KSR2: variants seen among roughly 807,000 people sequenced by gnomAD.
The protein encoded by KSR2 is kinase suppressor of ras 2.
Under a neutral mutation model 107.8 loss-of-function variants are expected in KSR2, and 25 were observed. The ratio of observed to expected loss-of-function variants is 0.23; its 90% CI spans 0.17 to 0.32. The LOEUF (loss-of-function observed/expected upper bound fraction) is 0.32. Ranked by LOEUF, KSR2 falls within the 10% of genes least tolerant of loss-of-function variation. The probability of loss-of-function intolerance (pLI) is 1.00; values close to 1 mark genes in which losing one functional copy is unlikely to be tolerated. For synonymous variants in KSR2, 480 were observed against 507.0 expected, an observed-to-expected ratio of 0.95 and a Z score of 0.71; for missense variants, 887 against 1,268.9, an observed-to-expected ratio of 0.70 and a Z score of 4.57.
chr12:117,590,211 T>G lies in KSR2; in HGVS notation c.1172-7852A>C, dbSNP rs562840038. Among the ~76,000 whole-genome samples, 7 of 152,376 alleles carry G rather than the reference T, an allele frequency of 4.6e-5. No individual in the cohort carries two copies. The East Asian group carries it at 1.2e-3, about 25-fold the overall frequency. ...CAAGTATTAGGGTCAATGCAATTCA[T>G]GCATGTGTGGAGTTTAAGTTAGAGA... is the stretch of plus-strand genomic sequence containing the variant. On this transcript the variant is annotated intron_variant, in intron 5 of 19. Transcript: ENST00000339824.
At chr12:117,885,817 C>A (rs191086915) in intron 1 of KSR2, among the ~76,000 whole-genome samples, 1 of 151,976 alleles carries the variant, frequency 6.6e-6, no homozygotes, top group East Asian at 1.9e-4. Context: ...CAAACCTGGC[C>A]GGGCGCGGTG....
At chr12:117,809,531 TAGA>T (rs1891125180) in intron 3 of KSR2, among the ~76,000 whole-genome samples, 1 of 152,214 alleles carries the variant, frequency 6.6e-6, no homozygotes, top group Non-Finnish European at 1.5e-5. Flanking sequence ...GTCAGCTTCT[TAGA>T]AAGTATTTTC....
chr12:117,799,302 G>T (rs1051457547), intron 3 of KSR2, among the ~76,000 whole-genome samples: 2 of 152,166 alleles, frequency 1.3e-5, no homozygotes, highest in Non-Finnish European at 2.9e-5. Flanking sequence ...AGGAGTTCAA[G>T]ATCAGCCCGG....
At chr12:117,939,804 G>T (rs769688439) in intron 1 of KSR2, among the ~76,000 whole-genome samples, 7 of 151,720 alleles carry the variant, frequency 4.6e-5, no homozygotes, top group Admixed American at 2.0e-4. Context: ...ACCTGGGCAT[G>T]GTTGCGGGCG....
rs182855255 is a variant in KSR2, at chr12:117,784,692, T to C, written c.473-23168A>G. On this transcript the variant is annotated intron_variant, in intron 3 of 19. Transcript: ENST00000339824. ...CCAATGAGAAGGCCAGTCATTCAGA[T>C]CTGTGCAACAAGACAAGAGGCTAAA... 2.1e-3 allele frequency among the ~76,000 whole-genome samples: 315 copies of C among 152,238 alleles called. 2 individuals are homozygous for C. The highest frequency in any genetic ancestry group is 7.4e-3 in the African/African-American group (308 of 41,554).
At chr12:117,674,318 C>G (rs747729118) in intron 4 of KSR2, 3 of 506,300 alleles carry the variant, frequency 5.9e-6, no homozygotes, top group African/African-American at 5.8e-5. Flanking sequence ...GAATCGCAGA[C>G]TCACTTGCAT....
intron 3 of KSR2, among the ~76,000 whole-genome samples, chr12:117,788,228 G>A (rs1410701629): frequency 6.6e-6 from 1 of 152,130 alleles, no homozygotes; most frequent in East Asian, 1.9e-4. Flanking sequence ...CAAAAGAAAT[G>A]AATGACTTCA....
In KSR2 at chr12:117,968,057, TCC is replaced by T; in HGVS notation, c.180+17_180+18del. 1 of 722,678 alleles carries T rather than the reference TCC, an allele frequency of 1.4e-6. No individual in the cohort carries two copies. Among genetic ancestry groups the T allele is most frequent in the Non-Finnish European group, 2.1e-6 (1 of 472,708 alleles). 44.8% of individuals were successfully genotyped at this position (722,678 alleles called of 1,614,324 possible). ...TTTTTTTTTTTTTTTTTTTTTTTTTTCCCGTAGGCAACACCTACCTCCAGGGT... is the reference window on the plus strand; with the variant it reads ...TTTTTTTTTTTTTTTTTTTTTTTTTTCGTAGGCAACACCTACCTCCAGGGT... On this transcript the variant is annotated intron_variant, in intron 1 of 19. Transcript: ENST00000339824.
intron 14 of KSR2, among the ~76,000 whole-genome samples, chr12:117,524,508 A>T (rs893595518): frequency 6.6e-6 from 1 of 152,056 alleles, no homozygotes; most frequent in African/African-American, 2.4e-5. Context: ...TCTACCAAAA[A>T]ATTAAAAAAT....
Position 117,694,845 on chromosome 12 carries a change from C to CTACTTCT in KSR2, c.987-27188_987-27187insAGAAGTA, listed in dbSNP as rs1555228656. ...ACAAAAGGACAAATGTTGTATGATTCTTTTTTTTTTTTTTTTTTTTTTGAG... is the reference window on the plus strand; with the variant it reads ...ACAAAAGGACAAATGTTGTATGATTCTACTTCTTTTTTTTTTTTTTTTTTTTTTTGAG... On this transcript the variant is annotated intron_variant, in intron 4 of 19. Coordinates refer to ENST00000339824, the MANE Select transcript of KSR2 (RefSeq NM_173598.6). 6.2e-3 allele frequency among the ~76,000 whole-genome samples: 610 copies of CTACTTCT among 99,100 alleles called. 8 individuals are homozygous for CTACTTCT. The highest frequency in any genetic ancestry group is 0.022 in the African/African-American group (584 of 26,368). 65.0% of individuals were successfully genotyped at this position (99,100 alleles called of 152,430 possible). A position where few individuals can be genotyped will look rare whatever the true frequency, so the allele number is the denominator to read the frequency against.
chr12:117,625,308 T>C (rs1882415239), intron 5 of KSR2, among the ~76,000 whole-genome samples: 1 of 152,236 alleles, frequency 6.6e-6, no homozygotes, highest in Non-Finnish European at 1.5e-5. Flanking sequence ...CTTCCAGTTT[T>C]TGCCCACTCA....
chr12:117,877,939 A>G (rs913582604), intron 1 of KSR2, among the ~76,000 whole-genome samples: 1 of 152,178 alleles, frequency 6.6e-6, no homozygotes, highest in African/African-American at 2.4e-5. Context: ...GAACCACTGC[A>G]TGGGGCTTTG....
intron 1 of KSR2, among the ~76,000 whole-genome samples, chr12:117,936,401 A>T (rs1593383736): frequency 6.6e-6 from 1 of 151,286 alleles, no homozygotes; most frequent in African/African-American, 2.4e-5. Context: ...AGCATGGCTC[A>T]CTGCAGCTGC....
chr12:117,648,965 C>T (rs12302647), intron 5 of KSR2, among the ~76,000 whole-genome samples: 27,671 of 152,144 alleles, frequency 0.18, 2,653 homozygotes, highest in Middle Eastern at 0.24. Context: ...TGAATGTCTA[C>T]GCTGCCTGTC....
intron 1 of KSR2, among the ~76,000 whole-genome samples, chr12:117,929,568 C>T (rs528254442): frequency 2.6e-4 from 39 of 152,160 alleles, no homozygotes; most frequent in Admixed American, 7.9e-4. Flanking sequence ...CAGACTAATA[C>T]AAGCATTATT....
intron 3 of KSR2, among the ~76,000 whole-genome samples, chr12:117,834,694 G>A (rs1892127793): frequency 6.6e-6 from 1 of 152,174 alleles, no homozygotes; most frequent in South Asian, 2.1e-4. Flanking sequence ...TCCCCAGCCT[G>A]AGAAGAGCAA....
chr12:117,748,683 T>C (rs603755), intron 4 of KSR2, among the ~76,000 whole-genome samples: 136,390 of 152,204 alleles, frequency 0.9, 61,411 homozygotes, highest in African/African-American at 0.98. Context: ...AATAACAAAT[T>C]AATCAAGAAA....
chr12:117,678,422 C>T (rs899074942), intron 4 of KSR2, among the ~76,000 whole-genome samples: 1 of 152,002 alleles, frequency 6.6e-6, no homozygotes, highest in African/African-American at 2.4e-5. Context: ...GTTAGGATTC[C>T]GGGGCTCTCT....
intron 10 of KSR2, among the ~76,000 whole-genome samples, chr12:117,533,078 G>A (rs1592964442): frequency 6.6e-6 from 1 of 152,188 alleles, no homozygotes; most frequent in Non-Finnish European, 1.5e-5. Context: ...TTCCTCAAAG[G>A]GCAAGGACCA....
Sources: gnomAD v4.1 joint callset for allele counts (sites outside exome capture counted in the v4.1 genomes callset) on GRCh38, gnomAD v4.1.1 for gene constraint, MANE v1.5 for transcripts, NCBI Gene and HGNC (gene_info 2026-07-23, HGNC 2026-07-21) for gene names.